DENND1A: variants seen among roughly 807,000 people sequenced by gnomAD.
DENND1A encodes DENN domain containing 1A.
A neutral mutation model predicts 113.7 loss-of-function variants in DENND1A; 51 were observed. The observed-to-expected ratio is 0.45, with a 90% confidence interval of 0.36 to 0.57. DENND1A has a LOEUF of 0.57. Among genes scored for constraint, DENND1A ranks in the 20% least tolerant of loss-of-function variants. The pLI, the probability that DENND1A is intolerant of heterozygous loss-of-function variation, is 0.00. For synonymous variants in DENND1A, 565 were observed against 570.8 expected, an observed-to-expected ratio of 0.99 and a Z score of 0.14; for missense variants, 1,258 against 1,395.9, an observed-to-expected ratio of 0.90 and a Z score of 1.57.
At chr9:123,772,658 C>G (rs1293135976) in intron 3 of DENND1A, among the ~76,000 whole-genome samples, 4 of 152,122 alleles carry the variant, frequency 2.6e-5, no homozygotes, top group Non-Finnish European at 5.9e-5. Context: ...GATCAATTCC[C>G]AAGTTTATAT....
At chr9:123,639,039 T>TAAAAAAAAAAAAAAAAAAAAAAAA (rs750972974) in intron 9 of DENND1A, among the ~76,000 whole-genome samples, 44 of 32,036 alleles carry the variant, frequency 1.4e-3, no homozygotes, top group Admixed American at 2.0e-3. Flanking sequence ...GCATGAGTAG[T>TAAAAAAAAAAAAAAAAAAAAAAAA]AAAAAAAAAA....
intron 11 of DENND1A, among the ~76,000 whole-genome samples, chr9:123,605,868 C>T (rs2060132911): frequency 6.6e-6 from 1 of 152,234 alleles, no homozygotes; most frequent in Non-Finnish European, 1.5e-5. Flanking sequence ...ACATCTGCCA[C>T]ATTCATTTGA....
At chr9:123,595,068 A>G (rs1252899168) in intron 11 of DENND1A, among the ~76,000 whole-genome samples, 1 of 152,192 alleles carries the variant, frequency 6.6e-6, no homozygotes, top group Non-Finnish European at 1.5e-5. Context: ...TGGAGCCAAG[A>G]GTCGCTGATT....
intron 1 of DENND1A, among the ~76,000 whole-genome samples, chr9:123,906,226 A>G (rs1487321495): frequency 2.1e-5 from 3 of 144,688 alleles, no homozygotes; most frequent in Non-Finnish European, 3.0e-5. Context: ...AGGGAAATTT[A>G]TAGCACTAAA....
chr9:123,589,035 G>A (rs771268836), intron 11 of DENND1A, among the ~76,000 whole-genome samples: 3 of 152,200 alleles, frequency 2.0e-5, no homozygotes, highest in East Asian at 1.9e-4. Flanking sequence ...CAAAGTGCTC[G>A]GATGACAGGT....
intron 21 of DENND1A, among the ~76,000 whole-genome samples, chr9:123,391,414 T>G (rs1240362765): frequency 6.6e-6 from 1 of 152,252 alleles, no homozygotes; most frequent in Non-Finnish European, 1.5e-5. Flanking sequence ...AATTCTTTAC[T>G]GCAACCCCAT....
intron 19 of DENND1A, chr9:123,439,583 A>G (rs574804581): frequency 6.5e-6 from 1 of 154,766 alleles, no homozygotes; most frequent in Non-Finnish European, 1.5e-5. Flanking sequence ...ATGGCTACAG[A>G]ATCAGGTGAT....
At position 123,588,923 on chromosome 9, in the gene DENND1A, A is replaced by G. The variant is rs537898861; in HGVS notation, c.766-5653T>C. 5.9e-5 allele frequency among the ~76,000 whole-genome samples: 9 copies of G among 152,046 alleles called. 1 individual carries two copies. Among genetic ancestry groups the G allele is most frequent in the Admixed American group, 5.9e-4 (9 of 15,280 alleles). On this transcript the variant is annotated intron_variant, in intron 11 of 23. Coordinates refer to ENST00000394215, the MANE Select transcript of DENND1A (RefSeq NM_001352964.2). ...GCTGGGATTACAGGCGCATGCCACC[A>G]TACCCAGCTAATTTTTTTATTTTTA...
intron 5 of DENND1A, among the ~76,000 whole-genome samples, chr9:123,710,755 C>A (rs368128721): frequency 2.6e-5 from 4 of 151,718 alleles, no homozygotes; most frequent in African/African-American, 9.7e-5. Flanking sequence ...TCACTGCAAC[C>A]TCCATCTCCC....
intron 13 of DENND1A, among the ~76,000 whole-genome samples, chr9:123,502,245 A>ATATATC (rs71390439): frequency 4.6e-5 from 7 of 151,956 alleles, no homozygotes; most frequent in Admixed American, 1.3e-4. Context: ...TACAGGCTCC[A>ATATATC]TATATCTATA....
chr9:123,821,031 C>T (rs1838375772), intron 2 of DENND1A, among the ~76,000 whole-genome samples: 1 of 152,188 alleles, frequency 6.6e-6, no homozygotes, highest in South Asian at 2.1e-4. Context: ...GCATTATCTG[C>T]AAAGATGTGA....
chr9:123,902,161 T>TCACACA (rs1232745098), intron 1 of DENND1A, among the ~76,000 whole-genome samples: 9 of 128,138 alleles, frequency 7.0e-5, no homozygotes, highest in South Asian at 2.4e-4. Flanking sequence ...TACTCATGGG[T>TCACACA]CACACACACA....
intron 12 of DENND1A, among the ~76,000 whole-genome samples, chr9:123,565,955 T>G (rs2136223458): frequency 6.6e-6 from 1 of 152,264 alleles, no homozygotes; most frequent in Admixed American, 6.5e-5. Context: ...CAAATGACAA[T>G]GACAAGTATT....
chr9:123,693,361 A>G (rs1276944431), intron 5 of DENND1A, among the ~76,000 whole-genome samples: 1 of 152,186 alleles, frequency 6.6e-6, no homozygotes, highest in Non-Finnish European at 1.5e-5. Context: ...TCTTTTGACA[A>G]ATGCCCACAT....
chr9:123,900,379 A>G (rs1164445400), intron 1 of DENND1A, among the ~76,000 whole-genome samples: 4 of 152,188 alleles, frequency 2.6e-5, no homozygotes, highest in African/African-American at 9.7e-5. Flanking sequence ...GGCTCACAGT[A>G]CCTGACTTCA....
At chr9:123,521,377 A>G (rs1243464874) in intron 13 of DENND1A, among the ~76,000 whole-genome samples, 1 of 152,158 alleles carries the variant, frequency 6.6e-6, no homozygotes, top group Non-Finnish European at 1.5e-5. Flanking sequence ...TTGGATTTTT[A>G]TCTTGGCTCT....
intron 12 of DENND1A, among the ~76,000 whole-genome samples, chr9:123,562,057 C>T (rs555780020): frequency 1.3e-5 from 2 of 152,276 alleles, no homozygotes; most frequent in Admixed American, 6.5e-5. Context: ...TGCCATTCAC[C>T]CATATCTGTC....
intron 8 of DENND1A, among the ~76,000 whole-genome samples, chr9:123,665,387 T>C (rs1484026871): frequency 6.6e-6 from 1 of 152,212 alleles, no homozygotes; most frequent in Non-Finnish European, 1.5e-5. Context: ...TTAGCTATTG[T>C]TGTTGAAATG....
At chr9:123,689,045 G>C (rs143005649) in intron 5 of DENND1A, among the ~76,000 whole-genome samples, 448 of 152,214 alleles carry the variant, frequency 2.9e-3, no homozygotes, top group African/African-American at 0.01. Flanking sequence ...TTTTTTCCGA[G>C]ACAGAGTCTT....
Sources: allele counts gnomAD v4.1 joint callset (sites outside exome capture counted in the v4.1 genomes callset), GRCh38; gene constraint gnomAD v4.1.1; transcripts MANE v1.5; gene names NCBI Gene and HGNC (gene_info 2026-07-23, HGNC 2026-07-21).